Variants in SORCS2 observed in about 807,000 individuals in gnomAD.
SORCS2 encodes the protein sortilin related VPS10 domain containing receptor 2, also known as VPS10 domain-containing receptor SorCS2.
SORCS2 carries 100 observed loss-of-function variants against 141.6 expected under a neutral mutation model. That is an observed-to-expected ratio of 0.71 (90% CI 0.60 to 0.83). The LOEUF is 0.83. Ranked by LOEUF, SORCS2 falls within the 40% of genes least tolerant of loss-of-function variation. SORCS2 has a pLI of 0.00. For missense variants in SORCS2, 1,646 were observed against 1,560.2 expected (o/e 1.05, Z -0.93); for synonymous variants, 789 against 676.9 (o/e 1.17, Z -2.57).
chr4:7,291,407 C>T (rs558105533), intron 1 of SORCS2, among the ~76,000 whole-genome samples: 5 of 152,122 alleles, frequency 3.3e-5, no homozygotes, highest in East Asian at 1.9e-4. Context: ...TGCTGGTGGT[C>T]GGGCCAGCGA....
chr4:7,578,888 A>G (rs1287885612), intron 3 of SORCS2, among the ~76,000 whole-genome samples: 1 of 152,166 alleles, frequency 6.6e-6, no homozygotes, highest in Admixed American at 6.5e-5. Context: ...ATAGAAGCCC[A>G]CCTTATCCCT....
chr4:7,403,054 T>G (rs1037886647), intron 2 of SORCS2, among the ~76,000 whole-genome samples: 1 of 152,168 alleles, frequency 6.6e-6, no homozygotes, highest in Non-Finnish European at 1.5e-5. Flanking sequence ...CTAAGGAGGT[T>G]TCCTCCTAAG....
intron 3 of SORCS2, among the ~76,000 whole-genome samples, chr4:7,607,893 T>C (rs116335604): frequency 0.016 from 2,420 of 152,282 alleles, 58 homozygotes; most frequent in African/African-American, 0.055. Flanking sequence ...AGCGTCTTGG[T>C]GGCATCCTTG....
At chr4:7,711,445 C>T (rs1360995390) in intron 14 of SORCS2, among the ~76,000 whole-genome samples, 1 of 152,224 alleles carries the variant, frequency 6.6e-6, no homozygotes, top group Non-Finnish European at 1.5e-5. Context: ...CAGACTGGAG[C>T]AGCGTGCATC....
intron 9 of SORCS2, among the ~76,000 whole-genome samples, chr4:7,677,600 G>A (rs550891219): frequency 1.1e-3 from 171 of 150,182 alleles, no homozygotes; most frequent in African/African-American, 3.9e-3. Context: ...AGAGTGTCCC[G>A]TGGGTGGCCA....
At position 7,509,150 on chromosome 4, in the gene SORCS2, G is replaced by A. The variant is rs145648938; in HGVS notation, c.549-22380G>A. On this transcript the variant is annotated intron_variant, in intron 2 of 26. Transcript: ENST00000507866. ...GTTACACGTGGCGGAAGAGACCCTG[G>A]GGCTGCCCAGGGCGGTGAGGCAGCC... Among the ~76,000 whole-genome samples the A allele has an allele frequency of 4.6e-5, 7 of 152,292 alleles. No homozygotes were observed. In the East Asian group the frequency reaches 7.7e-4, roughly 17 times the overall value.
At chr4:7,575,810 A>G (rs1031548383) in intron 3 of SORCS2, among the ~76,000 whole-genome samples, 3 of 152,142 alleles carry the variant, frequency 2.0e-5, no homozygotes, top group Non-Finnish European at 4.4e-5. Context: ...TTCTTTTCCA[A>G]GTTGAACCCA....
chr4:7,512,977 C>G (rs1022220368), intron 2 of SORCS2, among the ~76,000 whole-genome samples: 1 of 152,170 alleles, frequency 6.6e-6, no homozygotes, highest in African/African-American at 2.4e-5. Flanking sequence ...AAAGGAGAGG[C>G]TGTAGGAAAA....
chr4:7,545,804 G>A lies in SORCS2; in HGVS notation c.648+14175G>A, dbSNP rs568611013. On this transcript the variant is annotated intron_variant, in intron 3 of 26. Transcript: ENST00000507866. ...GTCTTCAGGGAAAACCAGAGTGCAC[G>A]CTCTGCCTCCGTCAGCTCGGATGGC... 3.3e-4 allele frequency among the ~76,000 whole-genome samples: 50 copies of A among 152,330 alleles called. No homozygotes were observed. The East Asian group carries it at 8.3e-3, about 25-fold the overall frequency.
chr4:7,374,129 C>CTCTTCCTTTCTT (rs1722462669), intron 1 of SORCS2, among the ~76,000 whole-genome samples: 1 of 51,826 alleles, frequency 1.9e-5, no homozygotes, highest in Admixed American at 1.7e-4. Flanking sequence ...CTTTCTTTCC[C>CTCTTCCTTTCTT]TCTTTCTTTC....
intron 3 of SORCS2, among the ~76,000 whole-genome samples, chr4:7,573,433 A>T (rs774507733): frequency 1.3e-5 from 2 of 152,172 alleles, no homozygotes; most frequent in East Asian, 3.8e-4. Context: ...GTAAAGGCAA[A>T]GGTTTCCTTA....
chr4:7,268,195 G>A (rs544954002), intron 1 of SORCS2, among the ~76,000 whole-genome samples: 1 of 152,216 alleles, frequency 6.6e-6, no homozygotes, highest in Non-Finnish European at 1.5e-5. Context: ...TTGCATCTGT[G>A]AGAGGGAGCT....
At chr4:7,323,006 G>A (rs1449343110) in intron 1 of SORCS2, among the ~76,000 whole-genome samples, 3 of 152,028 alleles carry the variant, frequency 2.0e-5, no homozygotes, top group African/African-American at 4.8e-5. Flanking sequence ...AGTAGCTCTA[G>A]TTCCCAGTTC....
intron 24 of SORCS2, 80 bp from the exon 25 acceptor site, chr4:7,734,192 G>C: frequency 9.4e-7 from 1 of 1,060,702 alleles, no homozygotes; most frequent in Non-Finnish European, 1.4e-6. Context: ...GGACGGGTGG[G>C]GGACAGACGG....
chr4:7,378,792 C>T (rs763316315), intron 1 of SORCS2, among the ~76,000 whole-genome samples: 6 of 152,216 alleles, frequency 3.9e-5, no homozygotes, highest in East Asian at 1.9e-4. Context: ...CTCAGACCAC[C>T]GTGGGCAGCT....
At chr4:7,739,024 G>A (rs923391986) in intron 26 of SORCS2, among the ~76,000 whole-genome samples, 3 of 152,290 alleles carry the variant, frequency 2.0e-5, no homozygotes, top group South Asian at 2.1e-4. Context: ...CGGAGCGCTC[G>A]CTCTGTGTCA....
chr4:7,686,577 G>A (rs1054968432), intron 10 of SORCS2, among the ~76,000 whole-genome samples: 1 of 152,308 alleles, frequency 6.6e-6, no homozygotes, highest in Non-Finnish European at 1.5e-5. Flanking sequence ...CCTGCCCCGG[G>A]GTTCTCCTGT....
intron 1 of SORCS2, among the ~76,000 whole-genome samples, chr4:7,237,982 C>T (rs1172608896): frequency 6.6e-6 from 1 of 152,052 alleles, no homozygotes; most frequent in Non-Finnish European, 1.5e-5. Flanking sequence ...TCTTGGGATA[C>T]CAGTGGACTG....
intron 2 of SORCS2, among the ~76,000 whole-genome samples, chr4:7,409,438 A>T (rs942803708): frequency 6.6e-6 from 1 of 152,210 alleles, no homozygotes; most frequent in Non-Finnish European, 1.5e-5. Context: ...TCTGATTTGG[A>T]GTCCCCTTTG....
Sources: gnomAD v4.1 joint callset for allele counts (sites outside exome capture counted in the v4.1 genomes callset) on GRCh38, gnomAD v4.1.1 for gene constraint, MANE v1.5 for transcripts, NCBI Gene and HGNC (gene_info 2026-07-23, HGNC 2026-07-21) for gene names.